The following GFOD1 variants were observed in gnomAD, a reference collection of about 807,000 sequenced individuals.
GFOD1 encodes glucose-fructose oxidoreductase domain-containing protein 1.
A neutral mutation model predicts 25.4 loss-of-function variants in GFOD1; 9 were observed. That is an observed-to-expected ratio of 0.35 (90% confidence interval 0.21 to 0.62). The LOEUF is 0.62. GFOD1 is among the 20% of genes least tolerant of loss of function. The pLI, the probability that GFOD1 is intolerant of heterozygous loss-of-function variation, is 0.72. For missense variants in GFOD1, 403 were observed against 556.9 expected (o/e 0.72, Z 2.78); for synonymous variants, 253 against 245.6 (o/e 1.03, Z -0.28).
intron 1 of GFOD1, among the ~76,000 whole-genome samples, chr6:13,468,198 C>T (rs568293133): frequency 3.3e-5 from 5 of 151,852 alleles, no homozygotes; most frequent in Non-Finnish European, 5.9e-5. Flanking sequence ...GGTGTGTGTG[C>T]GTGTGTGTGA....
intron 1 of GFOD1, among the ~76,000 whole-genome samples, chr6:13,449,614 C>T (rs1050045096): frequency 1.3e-5 from 2 of 152,280 alleles, no homozygotes; most frequent in South Asian, 4.2e-4. Flanking sequence ...TGGGAGATAA[C>T]TGAATCATCG....
Position 13,360,982 on chromosome 6 carries a change from C to T in GFOD1, c.*3761G>A, listed in dbSNP as rs1784938213. 2.5e-6 allele frequency: 1 copy of T among 397,036 alleles called. No individual in the cohort carries two copies. Among genetic ancestry groups the T allele is most frequent in the African/African-American group, 2.1e-5 (1 of 48,356 alleles). 24.6% of individuals were successfully genotyped at this position (397,036 alleles called of 1,614,324 possible). ...AACAAGTTCCTCTTCCTCTTACTGC[C>T]TCCATTTTCTCATGTGTATAAAAGA... is the stretch of plus-strand genomic sequence containing the variant. On this transcript the variant is annotated 3_prime_UTR_variant, in exon 2 of 2. Transcript: ENST00000379287.
intron 1 of GFOD1, chr6:13,408,065 C>T (rs1315250186): frequency 2.0e-6 from 2 of 985,334 alleles, no homozygotes; most frequent in African/African-American, 3.5e-5. Context: ...TTCCCTACTG[C>T]ATACTGCAGA....
intron 1 of GFOD1, among the ~76,000 whole-genome samples, chr6:13,401,622 G>A (rs538656339): frequency 1.3e-5 from 2 of 152,086 alleles, no homozygotes; most frequent in South Asian, 4.1e-4. Flanking sequence ...CATTTAAGAA[G>A]TACAAAATAT....
rs1386147712 is a variant in GFOD1 at position 13,472,617 on chromosome 6, G to A, written c.253+14021C>T. ...ATGGCCAGCCAAGGATTCAACCCCG[G>A]GCAGTGCCCACACACCCATTTCTGT... On this transcript the variant is annotated intron_variant, in intron 1 of 1. Transcript: ENST00000379287. 7.2e-5 allele frequency among the ~76,000 whole-genome samples: 11 copies of A among 152,238 alleles called. No individual in the cohort carries two copies. In the South Asian group the frequency reaches 8.3e-4, roughly 11 times the overall value.
chr6:13,384,082 C>T (rs1785417922), intron 1 of GFOD1, among the ~76,000 whole-genome samples: 1 of 152,094 alleles, frequency 6.6e-6, no homozygotes, highest in Non-Finnish European at 1.5e-5. Context: ...CAAAAATTAG[C>T]TGGGTATGGT....
intron 1 of GFOD1, among the ~76,000 whole-genome samples, chr6:13,461,951 T>G (rs1436353876): frequency 6.6e-6 from 1 of 152,176 alleles, no homozygotes; most frequent in Non-Finnish European, 1.5e-5. Flanking sequence ...CACCTCCAGC[T>G]GGTCAGGCCT....
chr6:13,374,310 T>TGTTTG (rs1562196253), intron 1 of GFOD1, among the ~76,000 whole-genome samples: 2 of 129,472 alleles, frequency 1.5e-5, no homozygotes, highest in African/African-American at 6.5e-5. Context: ...TGTGTGTTTG[T>TGTTTG]TTTTTTTTTT....
At chr6:13,456,742 G>A (rs75739119) in intron 1 of GFOD1, among the ~76,000 whole-genome samples, 5,638 of 152,210 alleles carry the variant, frequency 0.037, 331 homozygotes, top group African/African-American at 0.12. Flanking sequence ...CGGCCTGCAC[G>A]CTGCTCGTCT....
At chr6:13,421,656 G>A (rs751856468) in intron 1 of GFOD1, among the ~76,000 whole-genome samples, 2 of 151,874 alleles carry the variant, frequency 1.3e-5, no homozygotes, top group Non-Finnish European at 2.9e-5. Flanking sequence ...CCCTACCACT[G>A]CAATCTTTAT....
At chr6:13,447,740 CAAAAAAA>C (rs34431944) in intron 1 of GFOD1, among the ~76,000 whole-genome samples, 14 of 31,906 alleles carry the variant, frequency 4.4e-4, no homozygotes, top group South Asian at 2.4e-3. Flanking sequence ...GACTCCTTCT[CAAAAAAA>C]AAAAAAAAAA....
At chr6:13,388,189 C>A (rs553936151) in intron 1 of GFOD1, among the ~76,000 whole-genome samples, 3 of 152,272 alleles carry the variant, frequency 2.0e-5, no homozygotes, top group South Asian at 4.1e-4. Context: ...CCATACTGCC[C>A]AAGGTAATTT....
At chr6:13,453,276 T>C (rs879808717) in intron 1 of GFOD1, among the ~76,000 whole-genome samples, 1 of 152,236 alleles carries the variant, frequency 6.6e-6, no homozygotes, top group Non-Finnish European at 1.5e-5. Context: ...CCTTCTATTA[T>C]TGCATCACTT....
chr6:13,456,706 C>T (rs1446690435), intron 1 of GFOD1, among the ~76,000 whole-genome samples: 5 of 152,178 alleles, frequency 3.3e-5, no homozygotes, highest in Admixed American at 3.3e-4. Flanking sequence ...CATACAGCCT[C>T]CTAGGGCTGC....
chr6:13,379,926 C>G lies in GFOD1; in HGVS notation c.254-14264G>C, dbSNP rs141104163. ...AAATTCTCACCTGGCATTTGCAAGCCATGTGGCCCAAAGAAGCTTAGTTCA... is the reference window on the plus strand; with the variant it reads ...AAATTCTCACCTGGCATTTGCAAGCGATGTGGCCCAAAGAAGCTTAGTTCA... On this transcript the variant is annotated intron_variant, in intron 1 of 1. Transcript: ENST00000379287. Among the ~76,000 whole-genome samples, 17 of 152,254 alleles carry G rather than the reference C, an allele frequency of 1.1e-4. 2 individuals are homozygous for G. Among genetic ancestry groups the G allele is most frequent in the African/African-American group, 4.1e-4 (17 of 41,554 alleles).
At chr6:13,393,939 C>T (rs573234809) in intron 1 of GFOD1, among the ~76,000 whole-genome samples, 1 of 152,024 alleles carries the variant, frequency 6.6e-6, no homozygotes, top group African/African-American at 2.4e-5. Context: ...CCACCACGCC[C>T]GGCTAATTTT....
intron 1 of GFOD1, among the ~76,000 whole-genome samples, chr6:13,448,617 G>A (rs1758044946): frequency 6.6e-6 from 1 of 152,186 alleles, no homozygotes; most frequent in Non-Finnish European, 1.5e-5. Flanking sequence ...AAATGCCATT[G>A]CAACACTCAG....
chr6:13,479,716 G>A (rs574706254), intron 1 of GFOD1, among the ~76,000 whole-genome samples: 11 of 152,212 alleles, frequency 7.2e-5, no homozygotes, highest in South Asian at 6.2e-4. Flanking sequence ...CAAAATAATC[G>A]TTCAACTGCA....
chr6:13,383,122 A>G (rs1473519198), intron 1 of GFOD1, among the ~76,000 whole-genome samples: 2 of 152,344 alleles, frequency 1.3e-5, no homozygotes, highest in South Asian at 2.1e-4. Context: ...CAGTGCTGCA[A>G]TGAACATATG....
Sources: gnomAD v4.1 joint callset for allele counts (sites outside exome capture counted in the v4.1 genomes callset) on GRCh38, gnomAD v4.1.1 for gene constraint, MANE v1.5 for transcripts, NCBI Gene and HGNC (gene_info 2026-07-23, HGNC 2026-07-21) for gene names.